The following DPP10 variants were observed in gnomAD, a reference collection of about 807,000 sequenced individuals.
The protein encoded by DPP10 is inactive dipeptidyl peptidase 10.
A neutral mutation model predicts 120.9 loss-of-function variants in DPP10; 33 were observed. The observed-to-expected ratio is 0.27, with a 90% CI of 0.21 to 0.37. The LOEUF (loss-of-function observed/expected upper bound fraction) is 0.37, where lower values mean the gene tolerates loss of function less well. DPP10 is among the 10% of genes least tolerant of loss of function. DPP10 has a pLI of 1.00. For missense variants in DPP10, 816 were observed against 942.8 expected, an observed-to-expected ratio of 0.87 and a Z score of 1.76; for synonymous variants, 337 against 326.1, an observed-to-expected ratio of 1.03 and a Z score of -0.36.
At chr2:115,147,505 C>G in intron 1 of DPP10, among the ~76,000 whole-genome samples, 1 of 152,082 alleles carries the variant, frequency 6.6e-6, no homozygotes, top group East Asian at 1.9e-4. Flanking sequence ...AAAGCCTCTA[C>G]ACTCTAGAAT....
intron 1 of DPP10, among the ~76,000 whole-genome samples, chr2:114,834,291 T>C (rs1378004132): frequency 1.3e-5 from 2 of 151,708 alleles, no homozygotes; most frequent in East Asian, 2.0e-4. Flanking sequence ...ATATAAGCCA[T>C]GTCTACACAC....
intron 1 of DPP10, among the ~76,000 whole-genome samples, chr2:115,070,885 C>A (rs1430160486): frequency 1.3e-5 from 2 of 152,082 alleles, no homozygotes; most frequent in Non-Finnish European, 2.9e-5. Context: ...TTGCACTTAG[C>A]CTTCACCTAA....
At chr2:114,577,306 A>G (rs920906038) in intron 1 of DPP10, among the ~76,000 whole-genome samples, 3 of 152,234 alleles carry the variant, frequency 2.0e-5, no homozygotes, top group Non-Finnish European at 4.4e-5. Flanking sequence ...AGGGAAAGCC[A>G]GGAACCAACC....
intron 5 of DPP10, among the ~76,000 whole-genome samples, chr2:115,670,339 A>G (rs983082608): frequency 6.6e-6 from 1 of 152,150 alleles, no homozygotes; most frequent in African/African-American, 2.4e-5. Context: ...TTCAAAGATC[A>G]TTGATAGTTT....
intron 1 of DPP10, among the ~76,000 whole-genome samples, chr2:114,879,524 C>G (rs1406045981): frequency 6.6e-6 from 1 of 152,124 alleles, no homozygotes; most frequent in Non-Finnish European, 1.5e-5. Flanking sequence ...TTTTCTTTCA[C>G]TGCAAAAGCA....
At position 115,663,605 on chromosome 2, in the gene DPP10, T is replaced by C. The variant is rs138284215; in HGVS notation, c.442-26082T>C. Among the ~76,000 whole-genome samples, 817 of 152,316 alleles carry C rather than the reference T, an allele frequency of 5.4e-3. 9 individuals carry two copies. Among genetic ancestry groups the C allele is most frequent in the African/African-American group, 0.019 (774 of 41,568 alleles). Reference sequence around the variant, plus strand: ...CCTGTGCAAGAATATAGCCAGAGTATAGATTGACATTCGGCCACCTCTTAT... The same window carrying C: ...CCTGTGCAAGAATATAGCCAGAGTACAGATTGACATTCGGCCACCTCTTAT... On this transcript the variant is annotated intron_variant, in intron 5 of 25. Coordinates refer to ENST00000410059, the MANE Select transcript of DPP10 (RefSeq NM_020868.6).
intron 3 of DPP10, among the ~76,000 whole-genome samples, chr2:115,417,688 G>T (rs1457240118): frequency 6.6e-6 from 1 of 152,144 alleles, no homozygotes; most frequent in Non-Finnish European, 1.5e-5. Context: ...AGATAGCCTG[G>T]TTCCAGGTGC....
Position 115,633,579 on chromosome 2 carries a change from A to T in DPP10, c.442-56108A>T, listed in dbSNP as rs185360237. 1.3e-4 allele frequency among the ~76,000 whole-genome samples: 20 copies of T among 151,922 alleles called. No homozygotes were observed. In the East Asian group the frequency reaches 1.6e-3, roughly 12 times the overall value. ...CATGTACCCTAGAACTTAAAGTATA[A>T]AAAAAAAGAAAAGAATGTTGAATAT... On this transcript the variant is annotated intron_variant, in intron 5 of 25. Transcript: ENST00000410059.
In DPP10 at chr2:114,685,916, G is replaced by T. The variant is rs1397983691; in HGVS notation, c.60+243078G>T. Among the ~76,000 whole-genome samples the T allele has an allele frequency of 5.9e-5, 9 of 151,888 alleles. No homozygotes were observed. In the East Asian group the frequency reaches 1.6e-3, roughly 26 times the overall value. On this transcript the variant is annotated intron_variant, in intron 1 of 25. Transcript: ENST00000410059. ...GCAGCTGCCAGACTTGCTTTTCTAA[G>T]GCATAAATATAGCCTATTTATCCCT...
intron 1 of DPP10, among the ~76,000 whole-genome samples, chr2:115,018,495 A>C (rs990561044): frequency 6.6e-6 from 1 of 152,194 alleles, no homozygotes; most frequent in Non-Finnish European, 1.5e-5. Context: ...AGAAAATGTG[A>C]CACATATACA....
At chr2:115,384,953 A>T (rs1392900180) in intron 3 of DPP10, among the ~76,000 whole-genome samples, 1 of 152,150 alleles carries the variant, frequency 6.6e-6, no homozygotes, top group Non-Finnish European at 1.5e-5. Flanking sequence ...TGTGGTAGTG[A>T]ATAAGTCTCA....
At position 115,682,140 on chromosome 2, in the gene DPP10, G is replaced by A. The variant is rs540554390; in HGVS notation, c.442-7547G>A. 1.8e-3 allele frequency among the ~76,000 whole-genome samples: 279 copies of A among 152,064 alleles called. 2 individuals carry two copies. In the South Asian group the frequency reaches 0.021, roughly 11 times the overall value. The stretch of plus-strand genomic sequence containing the variant: ...GAGAAAACTAGTTTATAGCTAGTGA[G>A]ACAATGTTTAAACTTATTTCGCTAT... On this transcript the variant is annotated intron_variant, in intron 5 of 25. Coordinates refer to ENST00000410059, the MANE Select transcript of DPP10 (RefSeq NM_020868.6).
intron 1 of DPP10, among the ~76,000 whole-genome samples, chr2:114,529,348 T>A (rs1187195796): frequency 6.6e-6 from 1 of 152,182 alleles, no homozygotes; most frequent in Non-Finnish European, 1.5e-5. Flanking sequence ...CTCTTCATCC[T>A]CTAGAGAGTG....
At chr2:115,363,307 C>G (rs1223917788) in intron 3 of DPP10, among the ~76,000 whole-genome samples, 1 of 152,158 alleles carries the variant, frequency 6.6e-6, no homozygotes, top group East Asian at 1.9e-4. Context: ...TTTAATTTCT[C>G]CAAGATCCTA....
chr2:114,489,579 C>A (rs73946171), intron 1 of DPP10, among the ~76,000 whole-genome samples: 4,373 of 152,260 alleles, frequency 0.029, 208 homozygotes, highest in African/African-American at 0.1. Flanking sequence ...TGTCCCATTG[C>A]GACAATCAGT....
At position 115,244,239 on chromosome 2, in the gene DPP10, T is replaced by TATATAGAG. The variant is rs1348001277; in HGVS notation, c.61-64999_61-64998insTATAGAGA. ...GTGTATATATATATATATATATATA[T>TATATAGAG]AGAGAGAGAGAGAGAGAGAGAGAGA... is the stretch of plus-strand genomic sequence containing the variant. On this transcript the variant is annotated intron_variant, in intron 1 of 25. Coordinates refer to ENST00000410059, the MANE Select transcript of DPP10 (RefSeq NM_020868.6). Among the ~76,000 whole-genome samples, 4 of 93,482 alleles carry TATATAGAG rather than the reference T, an allele frequency of 4.3e-5. 1 individual carries two copies. The highest frequency in any genetic ancestry group is 3.7e-4 in the Admixed American group (3 of 8,166). The allele number at this position is 93,482 out of a possible 152,430, so 61.3% of individuals were successfully genotyped here.
chr2:115,062,319 T>G (rs1234664867), intron 1 of DPP10, among the ~76,000 whole-genome samples: 1 of 152,222 alleles, frequency 6.6e-6, no homozygotes, highest in Non-Finnish European at 1.5e-5. Context: ...TTCCATGAGC[T>G]TAATTTTGTA....
chr2:115,831,599 C>T (rs1415093253), intron 21 of DPP10, among the ~76,000 whole-genome samples: 2 of 152,088 alleles, frequency 1.3e-5, no homozygotes, highest in African/African-American at 2.4e-5. Flanking sequence ...TTCATAAAGT[C>T]ATTTAAAGAT....
chr2:115,343,171 T>A (rs573711600), intron 2 of DPP10, among the ~76,000 whole-genome samples: 4 of 152,232 alleles, frequency 2.6e-5, no homozygotes, highest in African/African-American at 9.6e-5. Context: ...TCATTTCTTA[T>A]ATTTTGGAAT....
Sources: gnomAD v4.1 joint callset for allele counts (sites outside exome capture counted in the v4.1 genomes callset) on GRCh38, gnomAD v4.1.1 for gene constraint, MANE v1.5 for transcripts, NCBI Gene and HGNC (gene_info 2026-07-23, HGNC 2026-07-21) for gene names.